DENND1B: variants seen among roughly 807,000 people sequenced by gnomAD.
The protein encoded by DENND1B is DENN domain containing 1B.
A neutral mutation model predicts 90.1 loss-of-function variants in DENND1B; 59 were observed. The ratio of observed to expected loss-of-function variants is 0.65; its 90% CI spans 0.53 to 0.81. The LOEUF is 0.81. Among genes scored for constraint, DENND1B ranks in the 40% least tolerant of loss-of-function variants. The pLI is 0.00. For synonymous variants in DENND1B, 337 were observed against 324.6 expected (o/e 1.04, Z -0.41); for missense variants, 862 against 912.6 (o/e 0.94, Z 0.71).
chr1:197,511,090 A>T, intron 22 of DENND1B, 118 bp from the exon 23 acceptor site: 1 of 1,061,760 alleles, frequency 9.4e-7, no homozygotes, highest in East Asian at 2.9e-5. Context: ...AAAATACAGC[A>T]TTGAGAGTCA....
At chr1:197,553,905 C>T (rs868491864) in intron 15 of DENND1B, among the ~76,000 whole-genome samples, 3 of 152,018 alleles carry the variant, frequency 2.0e-5, no homozygotes, top group Non-Finnish European at 2.9e-5. Context: ...CTGAAACTAT[C>T]AAAAGCACCC....
At chr1:197,709,777 G>C (rs1329831891) in intron 3 of DENND1B, among the ~76,000 whole-genome samples, 232 of 134,142 alleles carry the variant, frequency 1.7e-3, no homozygotes, top group Non-Finnish European at 1.6e-3. Context: ...AAAAGACACA[G>C]ACTGGCAAGT....
intron 20 of DENND1B, among the ~76,000 whole-genome samples, chr1:197,536,837 C>T (rs976900583): frequency 5.9e-4 from 90 of 151,998 alleles, no homozygotes; most frequent in African/African-American, 2.1e-3. Context: ...ATCAGCAGAT[C>T]GAGACCATCC....
At chr1:197,774,453 C>T (rs1367553909) in intron 1 of DENND1B, 2 of 152,110 alleles carry the variant, frequency 1.3e-5, no homozygotes, top group African/African-American at 2.4e-5. Flanking sequence ...TACCTAGAAA[C>T]AAAATCACCA....
chr1:197,743,543 A>T (rs1663418059), intron 2 of DENND1B, among the ~76,000 whole-genome samples: 1 of 152,212 alleles, frequency 6.6e-6, no homozygotes, highest in African/African-American at 2.4e-5. Context: ...GGGTTGCTGA[A>T]GGCTAGGATG....
intron 2 of DENND1B, among the ~76,000 whole-genome samples, chr1:197,764,914 G>A (rs888950245): frequency 1.6e-4 from 25 of 152,176 alleles, no homozygotes; most frequent in Middle Eastern, 6.8e-3. Flanking sequence ...CTCATTGTGA[G>A]AATTTTTACC....
chr1:197,735,550 T>G (rs775979481), intron 2 of DENND1B: 1 of 1,613,768 alleles, frequency 6.2e-7, no homozygotes, highest in East Asian at 2.2e-5. Context: ...ATTTACAAAG[T>G]GTTCTTAGAC....
intron 3 of DENND1B, among the ~76,000 whole-genome samples, chr1:197,699,632 A>G (rs187696996): frequency 8.5e-5 from 13 of 152,242 alleles, no homozygotes; most frequent in Admixed American, 2.6e-4. Flanking sequence ...GTGTCTGTTT[A>G]CAGACAACAT....
intron 5 of DENND1B, among the ~76,000 whole-genome samples, chr1:197,659,638 C>A (rs544056893): frequency 6.6e-6 from 1 of 151,822 alleles, no homozygotes; most frequent in South Asian, 2.1e-4. Context: ...AAAACAATAG[C>A]AATGCAGGTG....
chr1:197,521,342 GCAGA>G (rs1192548663), intron 20 of DENND1B, among the ~76,000 whole-genome samples: 2 of 151,958 alleles, frequency 1.3e-5, no homozygotes, highest in African/African-American at 2.4e-5. Flanking sequence ...TCACCAGGTG[GCAGA>G]CAAATATTAA....
chr1:197,656,411 A>G (rs185994788), intron 6 of DENND1B, among the ~76,000 whole-genome samples: 82 of 152,284 alleles, frequency 5.4e-4, no homozygotes, highest in African/African-American at 1.9e-3. Flanking sequence ...AGTACACCCT[A>G]AATGTAAAAA....
chr1:197,693,883 A>G (rs1658166415), intron 3 of DENND1B, among the ~76,000 whole-genome samples: 1 of 151,562 alleles, frequency 6.6e-6, no homozygotes, highest in Non-Finnish European at 1.5e-5. Context: ...CCTTATAACA[A>G]TAACAAGATA....
intron 3 of DENND1B, among the ~76,000 whole-genome samples, chr1:197,693,334 T>G (rs1430152946): frequency 1.3e-5 from 2 of 151,672 alleles, no homozygotes; most frequent in African/African-American, 4.8e-5. Flanking sequence ...AAATAATTCA[T>G]ACTTTAAATA....
rs1035469164 is a variant in DENND1B at position 197,507,131 on chromosome 1, T to C, written c.*3329A>G. The C allele has an allele frequency of 1.3e-5, 2 of 149,958 alleles. No individual in the cohort carries two copies. Among genetic ancestry groups the C allele is most frequent in the African/African-American group, 4.9e-5 (2 of 41,060 alleles). The allele number at this position is 149,958 out of a possible 1,614,324, so 9.3% of individuals were successfully genotyped here. A position where few individuals can be genotyped will look rare whatever the true frequency, so the allele number is the denominator to read the frequency against. ...TTTTGTGTGTTAGAATCTCAGCTAA[T>C]AACTTCCAGGCAAAACACATTATTA... On this transcript the variant is annotated 3_prime_UTR_variant, in exon 23 of 23. Coordinates refer to ENST00000620048, the MANE Select transcript of DENND1B (RefSeq NM_001195215.2).
At position 197,583,694 on chromosome 1, in the gene DENND1B, G is replaced by T. The variant is rs541150174; in HGVS notation, c.1048-441C>A. Among the ~76,000 whole-genome samples the T allele has an allele frequency of 5.3e-5, 8 of 152,210 alleles. No homozygotes were observed. The South Asian group carries it at 1.5e-3, about 28-fold the overall frequency. ...TAATTTGTTTTTTAATTAATGAAAA[G>T]ATTTTACAATCACCTTCTCTTCATG... On this transcript the variant is annotated intron_variant, in intron 14 of 22. Coordinates refer to ENST00000620048, the MANE Select transcript of DENND1B (RefSeq NM_001195215.2).
In DENND1B at chr1:197,670,443, CTG is replaced by C. The variant is rs60648023; in HGVS notation, c.296+1592_296+1593del. Among the ~76,000 whole-genome samples, 439 of 99,544 alleles carry C rather than the reference CTG, an allele frequency of 4.4e-3. 3 individuals carry two copies. The highest frequency in any genetic ancestry group is 0.016 in the Middle Eastern group (3 of 188). The allele number at this position is 99,544 out of a possible 152,430, so 65.3% of individuals were successfully genotyped here. ...AACAACAATAAAGGTGGGGGGAAGA[CTG>C]TGTGTGTGTGTGTGTGTGTGTGTGT... On this transcript the variant is annotated intron_variant, in intron 5 of 22. Transcript: ENST00000620048.
intron 20 of DENND1B, among the ~76,000 whole-genome samples, chr1:197,523,331 T>C (rs1338345595): frequency 1.3e-5 from 2 of 152,068 alleles, no homozygotes; most frequent in Non-Finnish European, 2.9e-5. Flanking sequence ...CTACTACCAC[T>C]GAGCAGGGCA....
At chr1:197,587,874 T>C (rs1674846941) in intron 14 of DENND1B, among the ~76,000 whole-genome samples, 1 of 152,124 alleles carries the variant, frequency 6.6e-6, no homozygotes, top group African/African-American at 2.4e-5. Flanking sequence ...TAGATGGTCT[T>C]ATCTGGGGGT....
intron 10 of DENND1B, among the ~76,000 whole-genome samples, chr1:197,627,673 G>A (rs1238787975): frequency 6.6e-6 from 1 of 151,960 alleles, no homozygotes; most frequent in South Asian, 2.1e-4. Flanking sequence ...TGGAAGTTCT[G>A]GCCAGGGCAA....
Sources: allele counts gnomAD v4.1 joint callset (sites outside exome capture counted in the v4.1 genomes callset), GRCh38; gene constraint gnomAD v4.1.1; transcripts MANE v1.5; gene names NCBI Gene and HGNC (gene_info 2026-07-23, HGNC 2026-07-21).